Variants in FSTL5 observed in about 807,000 individuals in gnomAD.
The protein encoded by FSTL5 is follistatin-related protein 5.
A neutral mutation model predicts 89.1 loss-of-function variants in FSTL5; 62 were observed. The ratio of observed to expected loss-of-function variants is 0.70; its 90% CI spans 0.57 to 0.86. The LOEUF (loss-of-function observed/expected upper bound fraction) is 0.86, where lower values mean the gene tolerates loss of function less well. Among genes scored for constraint, FSTL5 ranks in the 40% least tolerant of loss-of-function variants. The pLI is 0.00. For missense variants in FSTL5, 1,057 were observed against 1,001.6 expected (o/e 1.06, Z -0.75); for synonymous variants, 383 against 346.2 (o/e 1.11, Z -1.18).
At chr4:161,611,431 C>CTACG (rs1734648705) in intron 7 of FSTL5, among the ~76,000 whole-genome samples, 1 of 151,754 alleles carries the variant, frequency 6.6e-6, no homozygotes, top group Non-Finnish European at 1.5e-5. Context: ...TTATAACCTT[C>CTACG]TACGTACACT....
chr4:161,939,813 T>C (rs1734529349), intron 3 of FSTL5, among the ~76,000 whole-genome samples: 1 of 151,924 alleles, frequency 6.6e-6, no homozygotes, highest in Admixed American at 6.6e-5. Context: ...TAGTATAGGA[T>C]GTAGCTCCAT....
chr4:162,021,160 C>T (rs1382367494), intron 3 of FSTL5, among the ~76,000 whole-genome samples: 3 of 152,072 alleles, frequency 2.0e-5, no homozygotes, highest in Non-Finnish European at 1.5e-5. Flanking sequence ...CAGAACTTCC[C>T]ATCTTGCAAT....
intron 3 of FSTL5, among the ~76,000 whole-genome samples, chr4:162,007,725 T>C (rs567596609): frequency 6.6e-6 from 1 of 151,902 alleles, no homozygotes; most frequent in South Asian, 2.1e-4. Context: ...TGCACAACCA[T>C]ACAATGGGTA....
At chr4:161,554,695 G>T (rs1209423663) in intron 8 of FSTL5, among the ~76,000 whole-genome samples, 1 of 151,588 alleles carries the variant, frequency 6.6e-6, no homozygotes, top group African/African-American at 2.4e-5. Flanking sequence ...TTCTTTTGAA[G>T]AATTCTATCA....
chr4:161,997,320 G>T (rs1015551390), intron 3 of FSTL5, among the ~76,000 whole-genome samples: 1 of 151,926 alleles, frequency 6.6e-6, no homozygotes, highest in African/African-American at 2.4e-5. Context: ...TAGCAAAATG[G>T]GCATAACTGA....
Position 161,657,149 on chromosome 4 carries a change from T to A in FSTL5, c.728-655A>T, listed in dbSNP as rs142263065. Among the ~76,000 whole-genome samples the A allele has an allele frequency of 6.0e-3, 916 of 152,318 alleles. 9 individuals are homozygous for A. Among genetic ancestry groups the A allele is most frequent in the South Asian group, 0.045 (219 of 4,832 alleles). On this transcript the variant is annotated intron_variant, in intron 6 of 15. Coordinates refer to ENST00000306100, the MANE Select transcript of FSTL5 (RefSeq NM_020116.5). ...TAATCTGCCAAAGTACACATTTCTG[T>A]CTATTGCTGGACAACATTATTTGAA...
chr4:161,479,159 T>G (rs993266188), intron 13 of FSTL5, among the ~76,000 whole-genome samples: 4 of 152,102 alleles, frequency 2.6e-5, no homozygotes, highest in African/African-American at 9.7e-5. Context: ...TTGAAAAATC[T>G]CCACAATCAT....
intron 3 of FSTL5, among the ~76,000 whole-genome samples, chr4:161,948,313 GAAA>G (rs1734793234): frequency 7.0e-6 from 1 of 142,640 alleles, no homozygotes; most frequent in Non-Finnish European, 1.5e-5. Context: ...AAAAAAAACT[GAAA>G]AAGAGTGATG....
At chr4:162,038,356 G>A (rs985680043) in intron 2 of FSTL5, among the ~76,000 whole-genome samples, 11 of 151,646 alleles carry the variant, frequency 7.3e-5, no homozygotes, top group African/African-American at 2.7e-4. Context: ...TTAGCAGACA[G>A]TATGATAAAG....
intron 4 of FSTL5, among the ~76,000 whole-genome samples, chr4:161,781,999 A>T (rs1219575734): frequency 2.0e-5 from 3 of 152,020 alleles, no homozygotes; most frequent in Non-Finnish European, 2.9e-5. Context: ...CAGCATGTAG[A>T]TTTTTTTCAA....
At position 162,138,760 on chromosome 4, in the gene FSTL5, A is replaced by G. The variant is rs1732612206; in HGVS notation, c.-17+24855T>C. On this transcript the variant is annotated intron_variant, in intron 1 of 15. Coordinates refer to ENST00000306100, the MANE Select transcript of FSTL5 (RefSeq NM_020116.5). The stretch of plus-strand genomic sequence containing the variant: ...ATGTATTTTTGTTATTAGAATAAGT[A>G]AGATTTGATGAAACAAAAGAAGAAA... 2.0e-5 allele frequency among the ~76,000 whole-genome samples: 3 copies of G among 152,242 alleles called. No individual in the cohort carries two copies. In the South Asian group the frequency reaches 6.2e-4, roughly 32 times the overall value.
intron 6 of FSTL5, among the ~76,000 whole-genome samples, chr4:161,750,593 G>A (rs1018834955): frequency 1.3e-5 from 2 of 151,962 alleles, no homozygotes; most frequent in Non-Finnish European, 2.9e-5. Flanking sequence ...GCTTCTCTAA[G>A]TATAAAAGTG....
At chr4:162,142,532 G>A (rs561811843) in intron 1 of FSTL5, among the ~76,000 whole-genome samples, 3 of 152,054 alleles carry the variant, frequency 2.0e-5, no homozygotes, top group Non-Finnish European at 2.9e-5. Flanking sequence ...AAGAATAATC[G>A]TGATCTAGAG....
intron 1 of FSTL5, among the ~76,000 whole-genome samples, chr4:162,116,426 C>T (rs1346872960): frequency 6.6e-6 from 1 of 152,182 alleles, no homozygotes; most frequent in Non-Finnish European, 1.5e-5. Flanking sequence ...GCTTTTACCA[C>T]TAAAATGAGG....
At chr4:161,746,523 G>T (rs1740209471) in intron 6 of FSTL5, among the ~76,000 whole-genome samples, 1 of 151,932 alleles carries the variant, frequency 6.6e-6, no homozygotes, top group Admixed American at 6.6e-5. Context: ...CAATATCTGT[G>T]CTGTAAAGGT....
intron 4 of FSTL5, among the ~76,000 whole-genome samples, chr4:161,838,167 A>C (rs1731103167): frequency 6.6e-6 from 1 of 152,238 alleles, no homozygotes; most frequent in Non-Finnish European, 1.5e-5. Context: ...GAGACAGCAA[A>C]CAGAAACACT....
intron 7 of FSTL5, among the ~76,000 whole-genome samples, chr4:161,598,756 T>C (rs1440770508): frequency 1.3e-5 from 2 of 152,108 alleles, no homozygotes; most frequent in African/African-American, 4.8e-5. Flanking sequence ...CATACAGGGC[T>C]GAAGCAACTA....
intron 13 of FSTL5, among the ~76,000 whole-genome samples, chr4:161,468,038 G>C (rs1267004201): frequency 6.6e-6 from 1 of 151,982 alleles, no homozygotes; most frequent in Non-Finnish European, 1.5e-5. Flanking sequence ...CTATAGAATA[G>C]TTTGTCCAGA....
intron 7 of FSTL5, among the ~76,000 whole-genome samples, chr4:161,645,153 A>T (rs75649230): frequency 0.048 from 7,301 of 152,122 alleles, 568 homozygotes; most frequent in African/African-American, 0.17. Flanking sequence ...TGTAGCCATG[A>T]GCTCAGAAAG....
Sources: gnomAD v4.1 joint callset for allele counts (sites outside exome capture counted in the v4.1 genomes callset) on GRCh38, gnomAD v4.1.1 for gene constraint, MANE v1.5 for transcripts, NCBI Gene and HGNC (gene_info 2026-07-23, HGNC 2026-07-21) for gene names.